Variants in NRXN1 observed in about 807,000 individuals in gnomAD.
NRXN1 encodes neurexin-1.
Under a neutral mutation model 150.9 loss-of-function variants are expected in NRXN1, and 39 were observed. The observed-to-expected ratio is 0.26, with a 90% confidence interval of 0.20 to 0.34. The LOEUF (loss-of-function observed/expected upper bound fraction) is 0.34, where lower values mean the gene tolerates loss of function less well. Among genes scored for constraint, NRXN1 ranks in the 10% least tolerant of loss-of-function variants. The pLI is 1.00. For missense variants in NRXN1, 1,815 were observed against 1,949.9 expected (o/e 0.93, Z 1.30); for synonymous variants, 924 against 757.0 (o/e 1.22, Z -3.62).
intron 5 of NRXN1, among the ~76,000 whole-genome samples, chr2:50,819,785 TA>T (rs1004475267): frequency 2.6e-5 from 4 of 151,952 alleles, no homozygotes; most frequent in Non-Finnish European, 5.9e-5. Context: ...ACCCCATCAT[TA>T]AAAAAAGAAA....
intron 21 of NRXN1, among the ~76,000 whole-genome samples, chr2:49,963,903 C>T (rs1279439475): frequency 6.6e-6 from 1 of 152,112 alleles, no homozygotes; most frequent in Non-Finnish European, 1.5e-5. Flanking sequence ...GATGCTGAAT[C>T]GGTCATATGT....
chr2:49,947,668 T>C (rs1379863644), intron 21 of NRXN1, among the ~76,000 whole-genome samples: 1 of 151,686 alleles, frequency 6.6e-6, no homozygotes, highest in Admixed American at 6.6e-5. Flanking sequence ...TGCCTAAATA[T>C]TATAAAATAC....
chr2:50,963,843 C>T, intron 2 of NRXN1: 1 of 292,860 alleles, frequency 3.4e-6, no homozygotes, highest in Middle Eastern at 4.2e-4. Context: ...TTAGAAAGTG[C>T]TTCTTTCAAT....
chr2:50,265,374 C>T (rs2068728375), intron 17 of NRXN1, among the ~76,000 whole-genome samples: 1 of 152,066 alleles, frequency 6.6e-6, no homozygotes, highest in Non-Finnish European at 1.5e-5. Flanking sequence ...GATTAAAACT[C>T]TCTCTACATA....
chr2:50,560,487 C>G (rs1668903948), intron 8 of NRXN1, among the ~76,000 whole-genome samples: 1 of 151,278 alleles, frequency 6.6e-6, no homozygotes, highest in Non-Finnish European at 1.5e-5. Context: ...GTCGCCCAGG[C>G]TGGAGTGCAA....
chr2:50,427,310 T>C (rs1456271111), intron 17 of NRXN1, among the ~76,000 whole-genome samples: 3 of 148,478 alleles, frequency 2.0e-5, no homozygotes, highest in African/African-American at 7.6e-5. Context: ...TCAACATGTA[T>C]AATTATACAG....
intron 5 of NRXN1, among the ~76,000 whole-genome samples, chr2:50,828,973 T>C (rs1194518291): frequency 2.0e-5 from 3 of 152,174 alleles, no homozygotes; most frequent in Admixed American, 1.3e-4. Context: ...CCGTCTGCAA[T>C]CCCGGCACCT....
intron 5 of NRXN1, among the ~76,000 whole-genome samples, chr2:50,859,322 G>A (rs1466732971): frequency 6.6e-6 from 1 of 151,898 alleles, no homozygotes; most frequent in Non-Finnish European, 1.5e-5. Flanking sequence ...AGTGCTAGGG[G>A]GCAGTGCACA....
chr2:50,816,293 G>A (rs561192863), intron 5 of NRXN1, among the ~76,000 whole-genome samples: 12 of 151,922 alleles, frequency 7.9e-5, no homozygotes. Flanking sequence ...GAATCTCATT[G>A]GATATCATAG....
At chr2:50,877,198 C>T (rs776194468) in intron 5 of NRXN1, among the ~76,000 whole-genome samples, 2 of 151,334 alleles carry the variant, frequency 1.3e-5, no homozygotes, top group Non-Finnish European at 2.9e-5. Flanking sequence ...CACACATATA[C>T]ACACACACAC....
At chr2:49,993,989 C>T (rs770010715) in intron 21 of NRXN1, among the ~76,000 whole-genome samples, 1 of 152,150 alleles carries the variant, frequency 6.6e-6, no homozygotes, top group South Asian at 2.1e-4. Flanking sequence ...AAATTTCCTG[C>T]CCTGTACCCC....
At chr2:50,098,999 T>C (rs752592250) in intron 18 of NRXN1, among the ~76,000 whole-genome samples, 4 of 151,956 alleles carry the variant, frequency 2.6e-5, no homozygotes, top group African/African-American at 2.4e-5. Flanking sequence ...AAAACAGCCT[T>C]TTCATTTCCC....
At chr2:50,452,948 T>C (rs928368730) in intron 17 of NRXN1, among the ~76,000 whole-genome samples, 3 of 152,292 alleles carry the variant, frequency 2.0e-5, no homozygotes, top group Admixed American at 6.5e-5. Context: ...ACAGGAACTT[T>C]TCAAACATTT....
chr2:50,908,504 A>C (rs1684059048), intron 5 of NRXN1, among the ~76,000 whole-genome samples: 1 of 152,060 alleles, frequency 6.6e-6, no homozygotes, highest in Non-Finnish European at 1.5e-5. Context: ...AATTAATTTT[A>C]GACTTGGCTT....
chr2:50,353,648 G>A (rs2078583502), intron 17 of NRXN1, among the ~76,000 whole-genome samples: 1 of 151,994 alleles, frequency 6.6e-6, no homozygotes, highest in Non-Finnish European at 1.5e-5. Context: ...TTATTCATGT[G>A]TACTTAGTTT....
At chr2:50,938,770 T>A (rs1273712576) in intron 2 of NRXN1, among the ~76,000 whole-genome samples, 1 of 152,174 alleles carries the variant, frequency 6.6e-6, no homozygotes, top group African/African-American at 2.4e-5. Context: ...GAAGAATGAA[T>A]GACCCAATGG....
At chr2:50,060,492 T>C (rs1441581881) in intron 19 of NRXN1, among the ~76,000 whole-genome samples, 3 of 152,036 alleles carry the variant, frequency 2.0e-5, no homozygotes, top group African/African-American at 7.2e-5. Flanking sequence ...CTGAAATGAG[T>C]TAAGACTTTG....
intron 5 of NRXN1, among the ~76,000 whole-genome samples, chr2:50,660,270 CAG>C (rs1437118532): frequency 1.3e-5 from 2 of 151,954 alleles, no homozygotes; most frequent in African/African-American, 4.8e-5. Context: ...TGTAAGATAA[CAG>C]AGGTAATAAA....
At chr2:50,526,253 T>C (rs963499534) in intron 12 of NRXN1, among the ~76,000 whole-genome samples, 46 of 152,322 alleles carry the variant, frequency 3.0e-4, no homozygotes, top group African/African-American at 1.1e-3. Context: ...TAATCTTTTA[T>C]GTTTTACTTT....
Sources: gnomAD v4.1 joint callset for allele counts (sites outside exome capture counted in the v4.1 genomes callset) on GRCh38, gnomAD v4.1.1 for gene constraint, MANE v1.5 for transcripts, NCBI Gene and HGNC (gene_info 2026-07-23, HGNC 2026-07-21) for gene names.